Variants in ESRRG observed in about 807,000 individuals in gnomAD.
The protein encoded by ESRRG is estrogen related receptor gamma.
Under a neutral mutation model 44.0 loss-of-function variants are expected in ESRRG, and 13 were observed. The observed-to-expected ratio is 0.30, with a 90% CI of 0.19 to 0.47. ESRRG has a LOEUF of 0.47. Among genes scored for constraint, ESRRG ranks in the 20% least tolerant of loss-of-function variants. The pLI is 1.00. For synonymous variants in ESRRG, 215 were observed against 214.6 expected, an observed-to-expected ratio of 1.00 and a Z score of -0.02; for missense variants, 395 against 580.6, an observed-to-expected ratio of 0.68 and a Z score of 3.29.
intron 3 of ESRRG, among the ~76,000 whole-genome samples, chr1:216,614,113 G>A (rs941867162): frequency 1.3e-5 from 2 of 152,174 alleles, no homozygotes; most frequent in African/African-American, 2.4e-5. Flanking sequence ...TCTAGCTGAC[G>A]GACGATTAAA....
chr1:216,812,252 T>C (rs2094995583), intron 2 of ESRRG, among the ~76,000 whole-genome samples: 1 of 152,224 alleles, frequency 6.6e-6, no homozygotes, highest in African/African-American at 2.4e-5. Flanking sequence ...TTGTCTGTTT[T>C]TAACATATTT....
chr1:216,626,012 T>A (rs1051086794), intron 3 of ESRRG, among the ~76,000 whole-genome samples: 1 of 152,296 alleles, frequency 6.6e-6, no homozygotes, highest in Admixed American at 6.5e-5. Flanking sequence ...AAAGAGTTGT[T>A]CATTCTCATT....
intron 2 of ESRRG, among the ~76,000 whole-genome samples, chr1:216,758,092 T>C (rs1260270006): frequency 2.0e-5 from 3 of 152,062 alleles, no homozygotes; most frequent in Non-Finnish European, 2.9e-5. Context: ...AGCAAATTCA[T>C]GTTGATTCTT....
intron 2 of ESRRG, among the ~76,000 whole-genome samples, chr1:216,812,720 C>A (rs1338542616): frequency 6.6e-6 from 1 of 152,094 alleles, no homozygotes; most frequent in African/African-American, 2.4e-5. Context: ...TTCTCCATGA[C>A]CTTGGCCAGA....
At chr1:216,610,692 TATAA>T (rs979881866) in intron 3 of ESRRG, among the ~76,000 whole-genome samples, 5 of 152,168 alleles carry the variant, frequency 3.3e-5, no homozygotes, top group African/African-American at 4.8e-5. Context: ...TGTGTGTGTG[TATAA>T]ATAAATATAT....
At chr1:216,957,216 A>G (rs1184711201) in intron 1 of ESRRG, among the ~76,000 whole-genome samples, 2 of 152,068 alleles carry the variant, frequency 1.3e-5, no homozygotes. Flanking sequence ...AAAGAAGCCA[A>G]GTCCTTGGAT....
At chr1:216,544,878 G>C (rs2054008153) in intron 5 of ESRRG, among the ~76,000 whole-genome samples, 1 of 151,882 alleles carries the variant, frequency 6.6e-6, no homozygotes, top group Non-Finnish European at 1.5e-5. Flanking sequence ...AAAAATTTCT[G>C]CATAAAACTA....
intron 2 of ESRRG, among the ~76,000 whole-genome samples, chr1:216,669,760 C>T (rs1198868833): frequency 6.6e-6 from 1 of 152,066 alleles, no homozygotes; most frequent in African/African-American, 2.4e-5. Context: ...CTGGTGTGTG[C>T]CTGTAATCCT....
chr1:217,130,516 G>A (rs2092950812), intron 1 of ESRRG, among the ~76,000 whole-genome samples: 1 of 152,152 alleles, frequency 6.6e-6, no homozygotes, highest in Non-Finnish European at 1.5e-5. Flanking sequence ...GACTGCAGGT[G>A]TGAGCCACTG....
chr1:216,538,436 A>G (rs1279346673), intron 5 of ESRRG, among the ~76,000 whole-genome samples: 1 of 151,954 alleles, frequency 6.6e-6, no homozygotes, highest in Non-Finnish European at 1.5e-5. Flanking sequence ...TCTTCCTGGC[A>G]CCTATCTCCC....
At position 216,595,950 on chromosome 1, in the gene ESRRG, T is replaced by C. The variant is rs140758461; in HGVS notation, c.590-27852A>G. On this transcript the variant is annotated intron_variant, in intron 3 of 6. Transcript: ENST00000408911. Reference sequence around the variant, plus strand: ...GACAAGGGTTTATTGCCATGTTTCATATGCATGATTTTGATGCATGCTGCC... The same window carrying C: ...GACAAGGGTTTATTGCCATGTTTCACATGCATGATTTTGATGCATGCTGCC... 5.9e-3 allele frequency among the ~76,000 whole-genome samples: 897 copies of C among 152,338 alleles called. 9 individuals are homozygous for C. The highest frequency in any genetic ancestry group is 0.021 in the African/African-American group (874 of 41,576).
intron 1 of ESRRG, among the ~76,000 whole-genome samples, chr1:217,008,774 G>A (rs144232399): frequency 6.6e-6 from 1 of 152,256 alleles, no homozygotes; most frequent in East Asian, 1.9e-4. Context: ...CACTGTGATT[G>A]AGTTGAAACA....
chr1:217,035,681 A>G (rs1414300760), intron 1 of ESRRG, among the ~76,000 whole-genome samples: 3 of 72,566 alleles, frequency 4.1e-5, no homozygotes, highest in East Asian at 6.0e-4. Flanking sequence ...GGATTCCGTG[A>G]AAAAAAAAAA....
chr1:216,774,169 C>T (rs1433001347), intron 2 of ESRRG, among the ~76,000 whole-genome samples: 1 of 152,076 alleles, frequency 6.6e-6, no homozygotes, highest in Non-Finnish European at 1.5e-5. Flanking sequence ...TCAGTGCTTC[C>T]TTAGAGAGCT....
At chr1:216,540,820 A>G (rs1230820788) in intron 5 of ESRRG, among the ~76,000 whole-genome samples, 5 of 152,064 alleles carry the variant, frequency 3.3e-5, no homozygotes, top group Non-Finnish European at 7.4e-5. Flanking sequence ...AGATAGAATC[A>G]TTCCTGTTGT....
chr1:216,979,463 G>T (rs547570821), intron 1 of ESRRG, among the ~76,000 whole-genome samples: 85 of 152,204 alleles, frequency 5.6e-4, no homozygotes, highest in African/African-American at 1.5e-3. Context: ...ATTCCAAGAG[G>T]TGGGAAGCTT....
At chr1:216,515,629 C>T (rs1016998321) in intron 6 of ESRRG, among the ~76,000 whole-genome samples, 2 of 151,982 alleles carry the variant, frequency 1.3e-5, no homozygotes, top group Non-Finnish European at 2.9e-5. Flanking sequence ...TGCTATTATT[C>T]TGGAAATAAT....
intron 2 of ESRRG, among the ~76,000 whole-genome samples, chr1:216,755,006 G>A (rs1257265343): frequency 6.6e-6 from 1 of 151,960 alleles, no homozygotes; most frequent in Non-Finnish European, 1.5e-5. Flanking sequence ...ATGGAAGAAG[G>A]AGAGTATGGC....
At chr1:217,053,198 T>C (rs570646968) in intron 1 of ESRRG, among the ~76,000 whole-genome samples, 2 of 150,320 alleles carry the variant, frequency 1.3e-5, no homozygotes, top group East Asian at 2.0e-4. Context: ...CTCATGCCTG[T>C]AATCCCAGAA....
Sources: gnomAD v4.1 joint callset for allele counts (sites outside exome capture counted in the v4.1 genomes callset) on GRCh38, gnomAD v4.1.1 for gene constraint, MANE v1.5 for transcripts, NCBI Gene and HGNC (gene_info 2026-07-23, HGNC 2026-07-21) for gene names.